The following CAP2 variants were observed in gnomAD, a reference collection of about 807,000 sequenced individuals.
CAP2 encodes cyclase associated actin cytoskeleton regulatory protein 2.
In CAP2, 24 loss-of-function variants were observed where a neutral mutation model predicts 57.7. The ratio of observed to expected loss-of-function variants is 0.42; its 90% confidence interval spans 0.30 to 0.58. The LOEUF (loss-of-function observed/expected upper bound fraction) is 0.58, where lower values mean the gene tolerates loss of function less well. CAP2 is among the 20% of genes least tolerant of loss of function. The pLI is 0.22. For synonymous variants in CAP2, 194 were observed against 207.2 expected (o/e 0.94, Z 0.55); for missense variants, 501 against 590.3 (o/e 0.85, Z 1.57).
chr6:17,496,030 G>GGGGGT (rs1561804638), intron 4 of CAP2, among the ~76,000 whole-genome samples: 1 of 41,182 alleles, frequency 2.4e-5, no homozygotes, highest in Non-Finnish European at 5.6e-5. Flanking sequence ...GTGTGGGTGG[G>GGGGGT]GGGGGGGGGT....
At chr6:17,432,619 G>A (rs907887741) in intron 3 of CAP2, among the ~76,000 whole-genome samples, 1 of 152,122 alleles carries the variant, frequency 6.6e-6, no homozygotes, top group Non-Finnish European at 1.5e-5. Context: ...TTTAAATGGG[G>A]CATCTTCTTT....
At chr6:17,514,105 T>C in intron 7 of CAP2, 151 bp downstream of exon 7, 1 of 618,954 alleles carries the variant, frequency 1.6e-6, no homozygotes, top group Non-Finnish European at 2.9e-6. Flanking sequence ...GGCTCACGCC[T>C]GTAATCCCAG....
intron 3 of CAP2, among the ~76,000 whole-genome samples, chr6:17,456,719 A>G (rs1760580739): frequency 6.6e-6 from 1 of 152,148 alleles, no homozygotes; most frequent in Admixed American, 6.5e-5. Flanking sequence ...CTGGTTCTCA[A>G]GAAGAGGGCT....
intron 3 of CAP2, among the ~76,000 whole-genome samples, chr6:17,462,034 A>G (rs1347444015): frequency 1.3e-5 from 2 of 150,080 alleles, no homozygotes; most frequent in Non-Finnish European, 3.0e-5. Context: ...TTAACATAAC[A>G]AAAAAAGAAA....
intron 2 of CAP2, among the ~76,000 whole-genome samples, chr6:17,425,611 C>A (rs866720801): frequency 6.6e-6 from 1 of 152,138 alleles, no homozygotes; most frequent in Non-Finnish European, 1.5e-5. Context: ...GGTTTTGGAT[C>A]TGCCTTTTGT....
rs777803474 is a variant in CAP2, at chr6:17,406,398, C to CTTTTTTTTTT, written c.-2+12658_-2+12667dup. ...CTTTTCTGTCAGTAAGCCCAGATTT[C>CTTTTTTTTTT]TTTTTTTTTTTTTTTGAGGCAGTCT... is the stretch of plus-strand genomic sequence containing the variant. On this transcript the variant is annotated intron_variant, in intron 1 of 12. Coordinates refer to ENST00000229922, the MANE Select transcript of CAP2 (RefSeq NM_006366.3). Among the ~76,000 whole-genome samples, 31 of 102,470 alleles carry CTTTTTTTTTT rather than the reference C, an allele frequency of 3.0e-4. 3 individuals are homozygous for CTTTTTTTTTT. Among genetic ancestry groups the CTTTTTTTTTT allele is most frequent in the African/African-American group, 7.6e-4 (13 of 17,006 alleles). 67.2% of individuals were successfully genotyped at this position (102,470 alleles called of 152,430 possible). A position where few individuals can be genotyped will look rare whatever the true frequency, so the allele number is the denominator to read the frequency against.
At position 17,460,596 on chromosome 6, in the gene CAP2, G is replaced by C. The variant is rs1440512367; in HGVS notation, c.223-2400G>C. On this transcript the variant is annotated intron_variant, in intron 3 of 12. Coordinates refer to ENST00000229922, the MANE Select transcript of CAP2 (RefSeq NM_006366.3). ...TCTAGAATTATAACATGTCATTTTA[G>C]AGTGCAAATACATAATTATCCCAGT... is the stretch of plus-strand genomic sequence containing the variant. Among the ~76,000 whole-genome samples, 3 of 152,152 alleles carry C rather than the reference G, an allele frequency of 2.0e-5. No individual in the cohort carries two copies. In the East Asian group the frequency reaches 5.8e-4, roughly 29 times the overall value.
At chr6:17,471,861 A>G (rs1422592217) in intron 4 of CAP2, among the ~76,000 whole-genome samples, 2 of 151,898 alleles carry the variant, frequency 1.3e-5, no homozygotes, top group African/African-American at 4.8e-5. Flanking sequence ...CATTCTTTGT[A>G]TCACGCTTAG....
chr6:17,533,498 T>TA (rs1327103096), intron 7 of CAP2, among the ~76,000 whole-genome samples: 1 of 152,142 alleles, frequency 6.6e-6, no homozygotes, highest in Non-Finnish European at 1.5e-5. Flanking sequence ...CGTTGTGCTG[T>TA]GTTCTTGCAA....
At chr6:17,544,082 G>A (rs190200320) in intron 11 of CAP2, among the ~76,000 whole-genome samples, 17 of 140,592 alleles carry the variant, frequency 1.2e-4, no homozygotes, top group African/African-American at 4.4e-4. Context: ...CTGAGATTGT[G>A]CCACTGCACT....
intron 1 of CAP2, among the ~76,000 whole-genome samples, chr6:17,417,256 T>C (rs1581499942): frequency 6.6e-6 from 1 of 150,550 alleles, no homozygotes; most frequent in South Asian, 2.1e-4. Context: ...TAATCTCAAG[T>C]ACAGTTTTTT....
At chr6:17,555,382 C>T (rs1008372308) in intron 12 of CAP2, among the ~76,000 whole-genome samples, 4 of 151,058 alleles carry the variant, frequency 2.6e-5, no homozygotes, top group African/African-American at 7.3e-5. Flanking sequence ...TTAGTAGACA[C>T]GGGGTTTCTC....
chr6:17,477,886 CTT>C (rs1324844623), intron 4 of CAP2, among the ~76,000 whole-genome samples: 1 of 151,558 alleles, frequency 6.6e-6, no homozygotes, highest in African/African-American at 2.4e-5. Flanking sequence ...CAATTTTTAA[CTT>C]TGCTTCTGTT....
At chr6:17,549,429 A>G (rs1169592737) in intron 11 of CAP2, among the ~76,000 whole-genome samples, 1 of 151,974 alleles carries the variant, frequency 6.6e-6, no homozygotes, top group Non-Finnish European at 1.5e-5. Flanking sequence ...GTGCCATTGT[A>G]CTCCAGCCTG....
At chr6:17,512,364 C>T (rs1485510846) in intron 6 of CAP2, among the ~76,000 whole-genome samples, 4 of 151,776 alleles carry the variant, frequency 2.6e-5, no homozygotes, top group Non-Finnish European at 5.9e-5. Flanking sequence ...CCATTGCACT[C>T]CAGCCTGGGT....
At chr6:17,397,634 G>A (rs1015842529) in intron 1 of CAP2, among the ~76,000 whole-genome samples, 2 of 145,054 alleles carry the variant, frequency 1.4e-5, no homozygotes, top group Non-Finnish European at 3.0e-5. Context: ...GGCGGGGCTT[G>A]CAGTGAGCCG....
At chr6:17,413,557 G>C (rs1470185551) in intron 1 of CAP2, among the ~76,000 whole-genome samples, 2 of 152,176 alleles carry the variant, frequency 1.3e-5, no homozygotes, top group Non-Finnish European at 2.9e-5. Flanking sequence ...CTAGTAGACA[G>C]TGGGAACTGA....
chr6:17,517,105 C>T (rs1028430022), intron 7 of CAP2, among the ~76,000 whole-genome samples: 6 of 152,096 alleles, frequency 3.9e-5, no homozygotes, highest in South Asian at 2.1e-4. Flanking sequence ...TGTTGTACAG[C>T]CATGTATCAT....
chr6:17,497,127 A>G (rs1430745417), intron 4 of CAP2, among the ~76,000 whole-genome samples: 2 of 152,250 alleles, frequency 1.3e-5, no homozygotes. Context: ...TTGCTATTTC[A>G]AAGAACTAAT....
Sources: gnomAD v4.1 joint callset for allele counts (sites outside exome capture counted in the v4.1 genomes callset) on GRCh38, gnomAD v4.1.1 for gene constraint, MANE v1.5 for transcripts, NCBI Gene and HGNC (gene_info 2026-07-23, HGNC 2026-07-21) for gene names.